Variants in KDM7A observed in about 807,000 individuals in gnomAD.
KDM7A encodes lysine-specific demethylase 7A.
A neutral mutation model predicts 114.8 loss-of-function variants in KDM7A; 28 were observed. The observed-to-expected ratio is 0.24, with a 90% confidence interval of 0.18 to 0.33. The LOEUF is 0.33. KDM7A is among the 10% of genes least tolerant of loss of function. KDM7A has a pLI of 1.00. For synonymous variants in KDM7A, 423 were observed against 397.8 expected (o/e 1.06, Z -0.75); for missense variants, 942 against 1,142.5 (o/e 0.82, Z 2.53).
chr7:140,096,864 A>G (rs1380192566), intron 16 of KDM7A, 35 bp downstream of exon 16: 1 of 1,600,626 alleles, frequency 6.2e-7, no homozygotes, highest in Non-Finnish European at 8.5e-7. Context: ...TTTACCTTAC[A>G]ATATAATAAG....
chr7:140,155,341 C>T (rs1303887095), intron 1 of KDM7A, among the ~76,000 whole-genome samples: 2 of 152,196 alleles, frequency 1.3e-5, no homozygotes, highest in African/African-American at 4.8e-5. Context: ...GAAGCCAGGG[C>T]TACCTTTACC....
intron 7 of KDM7A, among the ~76,000 whole-genome samples, chr7:140,121,153 A>G (rs576825781): frequency 1.3e-5 from 2 of 152,314 alleles, no homozygotes; most frequent in African/African-American, 4.8e-5. Flanking sequence ...GATTACTCAC[A>G]TTTAATTATG....
At position 140,120,427 on chromosome 7, in the gene KDM7A, A is replaced by T; in HGVS notation, c.1139+15T>A. 6.5e-7 allele frequency: 1 copy of T among 1,533,254 alleles called. No individual in the cohort carries two copies. Among genetic ancestry groups the T allele is most frequent in the Non-Finnish European group, 9.0e-7 (1 of 1,106,988 alleles). 95.0% of individuals were successfully genotyped at this position (1,533,254 alleles called of 1,614,324 possible). On this transcript the variant is annotated intron_variant, in intron 8 of 19. Coordinates refer to ENST00000397560, the MANE Select transcript of KDM7A (RefSeq NM_030647.2). ...AAAAAGGACAAAAGGTCATTTAAATACTGATGACACAAACCTGAGCTGCAT... is the reference window on the plus strand; with the variant it reads ...AAAAAGGACAAAAGGTCATTTAAATTCTGATGACACAAACCTGAGCTGCAT...
chr7:140,170,899 A>G (rs911204731), intron 1 of KDM7A, among the ~76,000 whole-genome samples: 1 of 152,190 alleles, frequency 6.6e-6, no homozygotes, highest in Non-Finnish European at 1.5e-5. Flanking sequence ...TTCAAGACAG[A>G]AACAACAAAT....
intron 4 of KDM7A, 150 bp from the exon 5 acceptor site, chr7:140,127,733 T>A: frequency 1.3e-6 from 1 of 747,930 alleles, no homozygotes; most frequent in Non-Finnish European, 2.2e-6. Flanking sequence ...TCTTAATTTC[T>A]CAAGTTCAAC....
At chr7:140,139,979 C>T (rs538326545) in intron 1 of KDM7A, among the ~76,000 whole-genome samples, 1 of 152,154 alleles carries the variant, frequency 6.6e-6, no homozygotes, top group East Asian at 1.9e-4. Flanking sequence ...TGAACGATCA[C>T]TTAGTAATTT....
chr7:140,112,762 G>A (rs1446646330), intron 10 of KDM7A, among the ~76,000 whole-genome samples: 1 of 152,158 alleles, frequency 6.6e-6, no homozygotes, highest in Non-Finnish European at 1.5e-5. Flanking sequence ...CCCAGTTGAA[G>A]GAAACACAAA....
intron 11 of KDM7A, among the ~76,000 whole-genome samples, chr7:140,108,094 A>G (rs1463370436): frequency 6.6e-6 from 1 of 152,078 alleles, no homozygotes; most frequent in Non-Finnish European, 1.5e-5. Context: ...TGCGTCACAT[A>G]GTTCTTTTGC....
intron 2 of KDM7A, among the ~76,000 whole-genome samples, chr7:140,138,088 G>A (rs573428308): frequency 6.6e-6 from 1 of 152,232 alleles, no homozygotes; most frequent in African/African-American, 2.4e-5. Flanking sequence ...GCACTTTTGG[G>A]AGTCTGAGGC....
At chr7:140,103,083 C>T (rs1342580941) in intron 11 of KDM7A, among the ~76,000 whole-genome samples, 1 of 152,046 alleles carries the variant, frequency 6.6e-6, no homozygotes, top group East Asian at 1.9e-4. Context: ...CTCATCTGCA[C>T]AAACTGAAAC....
chr7:140,159,358 T>A (rs919643379), intron 1 of KDM7A, among the ~76,000 whole-genome samples: 3 of 151,296 alleles, frequency 2.0e-5, no homozygotes, highest in Admixed American at 6.6e-5. Flanking sequence ...GAGAAAAAAA[T>A]AAAAATTAAA....
chr7:140,174,008 A>G (rs544737741), intron 1 of KDM7A, among the ~76,000 whole-genome samples: 2 of 152,076 alleles, frequency 1.3e-5, no homozygotes, highest in Non-Finnish European at 2.9e-5. Flanking sequence ...TACTAAAAAT[A>G]CAAAAATTAG....
chr7:140,092,336 C>T (rs1192385495), intron 18 of KDM7A, among the ~76,000 whole-genome samples: 3 of 152,174 alleles, frequency 2.0e-5, no homozygotes, highest in Non-Finnish European at 4.4e-5. Flanking sequence ...AGGCACCACG[C>T]CCTACTTGCT....
At chr7:140,136,042 C>T (rs1343727431) in intron 2 of KDM7A, among the ~76,000 whole-genome samples, 7 of 151,976 alleles carry the variant, frequency 4.6e-5, no homozygotes, top group Non-Finnish European at 8.8e-5. Context: ...TCACTGCAGC[C>T]TCAAGCTCCT....
At chr7:140,149,064 G>C (rs1794371941) in intron 1 of KDM7A, among the ~76,000 whole-genome samples, 1 of 152,134 alleles carries the variant, frequency 6.6e-6, no homozygotes, top group South Asian at 2.1e-4. Flanking sequence ...AGGGCTTCCA[G>C]AGTTATTTCC....
rs116921117 is a variant in KDM7A at position 140,147,930 on chromosome 7, C to T, written c.195-8740G>A. 2.3e-4 allele frequency among the ~76,000 whole-genome samples: 35 copies of T among 152,296 alleles called. No individual in the cohort carries two copies. The East Asian group carries it at 5.6e-3, about 24-fold the overall frequency. Reference sequence around the variant, plus strand: ...TTTCTCAATCTGCCTGAGGAGCAGGCGTTCCCCTGAGATTAAGCAGGACAA... The same window carrying T: ...TTTCTCAATCTGCCTGAGGAGCAGGTGTTCCCCTGAGATTAAGCAGGACAA... On this transcript the variant is annotated intron_variant, in intron 1 of 19. Transcript: ENST00000397560.
At chr7:140,164,940 C>G (rs1261647118) in intron 1 of KDM7A, among the ~76,000 whole-genome samples, 1 of 152,152 alleles carries the variant, frequency 6.6e-6, no homozygotes, top group African/African-American at 2.4e-5. Context: ...TCAAGAAGAC[C>G]ATGGTGCCTG....
chr7:140,134,192 C>A (rs1818833446), intron 2 of KDM7A, among the ~76,000 whole-genome samples: 1 of 152,166 alleles, frequency 6.6e-6, no homozygotes, highest in Non-Finnish European at 1.5e-5. Flanking sequence ...GGTAGCATGA[C>A]AAAATACATA....
intron 1 of KDM7A, among the ~76,000 whole-genome samples, chr7:140,171,089 CAACAAA>C (rs1285693280): frequency 7.6e-6 from 1 of 132,332 alleles, no homozygotes; most frequent in African/African-American, 2.9e-5. Flanking sequence ...ACAACAACAA[CAACAAA>C]AGACTTCAGT....
Sources: allele counts gnomAD v4.1 joint callset (sites outside exome capture counted in the v4.1 genomes callset), GRCh38; gene constraint gnomAD v4.1.1; transcripts MANE v1.5; gene names NCBI Gene and HGNC (gene_info 2026-07-23, HGNC 2026-07-21).